PITPNM2: variants seen among roughly 807,000 people sequenced by gnomAD.
PITPNM2 encodes the protein phosphatidylinositol transfer protein membrane associated 2, also known as membrane-associated phosphatidylinositol transfer protein 2.
In PITPNM2, 35 loss-of-function variants were observed where a neutral mutation model predicts 132.2. The ratio of observed to expected loss-of-function variants is 0.26; its 90% CI spans 0.20 to 0.35. The LOEUF is 0.35. PITPNM2 is among the 10% of genes least tolerant of loss of function. PITPNM2 has a pLI of 1.00. For synonymous variants in PITPNM2, 738 were observed against 799.2 expected, an observed-to-expected ratio of 0.92 and a Z score of 1.29; for missense variants, 1,332 against 1,912.0, an observed-to-expected ratio of 0.70 and a Z score of 5.66.
At chr12:123,072,900 T>C (rs910111743) in intron 2 of PITPNM2, among the ~76,000 whole-genome samples, 6 of 152,156 alleles carry the variant, frequency 3.9e-5, no homozygotes, top group African/African-American at 1.2e-4. Context: ...CCTGGGGAAG[T>C]CATCCAAGCC....
At position 123,130,205 on chromosome 12, in the gene PITPNM2, C is replaced by T. The variant is rs527348411; in HGVS notation, c.-199-19717G>A. Among the ~76,000 whole-genome samples, 4 of 152,300 alleles carry T rather than the reference C, an allele frequency of 2.6e-5. No homozygotes were observed. In the East Asian group the frequency reaches 5.8e-4, roughly 22 times the overall value. ...TATGAATCATGCTAATCCCAGAGGG[C>T]TTCCAGGAGATGGCACAGAGCATTT... is the stretch of plus-strand genomic sequence containing the variant. On this transcript the variant is annotated intron_variant, in intron 1 of 25. Coordinates refer to ENST00000320201, the MANE Select transcript of PITPNM2 (RefSeq NM_020845.3).
At chr12:123,027,681 G>A (rs2039914718) in intron 3 of PITPNM2, among the ~76,000 whole-genome samples, 1 of 152,236 alleles carries the variant, frequency 6.6e-6, no homozygotes, top group Non-Finnish European at 1.5e-5. Context: ...GTCAGTGGCA[G>A]AGCCACTGGG....
chr12:122,995,089 A>G, intron 14 of PITPNM2, 110 bp from the exon 15 acceptor site: 1 of 1,248,618 alleles, frequency 8.0e-7, no homozygotes, highest in Non-Finnish European at 1.1e-6. Context: ...CACTGGCTTC[A>G]GGACAGCCCT....
chr12:123,064,636 C>A lies in PITPNM2; in HGVS notation c.-95-29951G>T, dbSNP rs1220674473. Among the ~76,000 whole-genome samples, 2 of 152,196 alleles carry A rather than the reference C, an allele frequency of 1.3e-5. No individual in the cohort carries two copies. The highest frequency in any genetic ancestry group is 3.8e-4 in the East Asian group (2 of 5,200). ...AAAAACAAAACGAGCCCAGCAACACCCCTGTGTCAACAGGGTGGGAAGTGA... is the reference window on the plus strand; with the variant it reads ...AAAAACAAAACGAGCCCAGCAACACACCTGTGTCAACAGGGTGGGAAGTGA... On this transcript the variant is annotated intron_variant, in intron 2 of 25. Transcript: ENST00000320201. This position sits in a 1 kb window ranked among gnomAD's most constrained non-coding sequence, Gnocchi z 4.0.
intron 2 of PITPNM2, among the ~76,000 whole-genome samples, chr12:123,052,626 T>A (rs1178804463): frequency 2.6e-5 from 4 of 152,050 alleles, no homozygotes; most frequent in African/African-American, 9.7e-5. Flanking sequence ...TCTCAATCAA[T>A]AACAAAATAA....
Position 122,992,382 on chromosome 12 carries a change from A to C in PITPNM2, c.2404+117T>G. ...AGCTGTCCACCTCCAAGAGGCATTC[A>C]GCACAAGCTGTCCCTCTCACCTGGG... On this transcript the variant is annotated intron_variant, in intron 16 of 25. Coordinates refer to ENST00000320201, the MANE Select transcript of PITPNM2 (RefSeq NM_020845.3). This position sits in a 1 kb window ranked among gnomAD's most constrained non-coding sequence, Gnocchi z 6.5. 1 of 971,528 alleles carries C rather than the reference A, an allele frequency of 1.0e-6. No individual in the cohort carries two copies. The highest frequency in any genetic ancestry group is 1.4e-6 in the Non-Finnish European group (1 of 728,172). The allele number at this position is 971,528 out of a possible 1,614,324, so 60.2% of individuals were successfully genotyped here.
At position 122,990,692 on chromosome 12, in the gene PITPNM2, G is replaced by A. The variant is rs776514626; in HGVS notation, c.2422C>T (p.His808Tyr). 1 of 1,609,986 alleles carries A rather than the reference G, an allele frequency of 6.2e-7. No homozygotes were observed. The highest frequency in any genetic ancestry group is 1.3e-5 in the African/African-American group (1 of 75,042). ...CCATGCTCTTGGAAGGCTGCATTGT[G>A]GGTCTGGAGCACATCCGCTGCAGGT... The part of the protein sequence containing the change: ...STLLADVLQT[H>Y]NAAFQEHGAP... The change falls in exon 17 of 26, where the codon CAC becomes TAC. Residue 808 changes from histidine (H) to tyrosine (Y), a missense_variant. His to Tyr is a moderately conservative substitution (Grantham distance 83). Around this residue, in one of 6 missense-constraint regions of PITPNM2, gnomAD observed 710 missense variants for 911.5 expected, o/e 0.78. Coordinates refer to ENST00000320201, the MANE Select transcript of PITPNM2 (RefSeq NM_020845.3).
In PITPNM2 at chr12:123,077,653, G is replaced by C. The variant is rs2041834176; in HGVS notation, c.-96+32732C>G. On this transcript the variant is annotated intron_variant, in intron 2 of 25. Coordinates refer to ENST00000320201, the MANE Select transcript of PITPNM2 (RefSeq NM_020845.3). The surrounding 1 kb of genome is among the most constrained non-coding windows in gnomAD (Gnocchi z 4.8). ...CCCCCTCTGAGTTCTGAGCATGCCA[G>C]GTGAGGCCTCTCCCTCTCTCTCTCC... Among the ~76,000 whole-genome samples the C allele has an allele frequency of 2.6e-5, 4 of 152,178 alleles. No individual in the cohort carries two copies. Among genetic ancestry groups the C allele is most frequent in the African/African-American group, 7.2e-5 (3 of 41,438 alleles).
intron 2 of PITPNM2, among the ~76,000 whole-genome samples, chr12:123,040,163 T>A (rs2040414883): frequency 6.6e-6 from 1 of 152,106 alleles, no homozygotes; most frequent in South Asian, 2.1e-4. Context: ...TAAAAAAAAA[T>A]TAATGACTTT....
At chr12:123,113,525 C>A (rs564603595) in intron 1 of PITPNM2, among the ~76,000 whole-genome samples, 3 of 152,196 alleles carry the variant, frequency 2.0e-5, no homozygotes, top group African/African-American at 2.4e-5. Context: ...CATAGTGAGA[C>A]CCCCCATCTT....
intron 2 of PITPNM2, among the ~76,000 whole-genome samples, chr12:123,068,293 C>T (rs182016220): frequency 6.6e-6 from 1 of 152,162 alleles, no homozygotes; most frequent in Non-Finnish European, 1.5e-5. Flanking sequence ...CGGTGAAACC[C>T]CGTCTCTACT....
At chr12:122,987,937 G>A (rs774765412) in intron 20 of PITPNM2, 36 bp from the exon 21 acceptor site, 68 of 1,570,126 alleles carry the variant, frequency 4.3e-5, no homozygotes, top group Non-Finnish European at 5.5e-5. Flanking sequence ...TCAGGGGGTC[G>A]GAGGGCACCC....
At chr12:123,075,528 C>G (rs947394737) in intron 2 of PITPNM2, 1 of 152,274 alleles carries the variant, frequency 6.6e-6, no homozygotes, top group Non-Finnish European at 1.5e-5. Flanking sequence ...CCACGCCCTT[C>G]CCTGAATCCC....
At chr12:123,038,802 T>C (rs1419789234) in intron 2 of PITPNM2, among the ~76,000 whole-genome samples, 1 of 151,710 alleles carries the variant, frequency 6.6e-6, no homozygotes, top group African/African-American at 2.4e-5. Flanking sequence ...TAAAGTCATC[T>C]AAAAAATAAT....
In PITPNM2 at chr12:123,117,745, C is replaced by T. The variant is rs535749935; in HGVS notation, c.-199-7257G>A. On this transcript the variant is annotated intron_variant, in intron 1 of 25. Transcript: ENST00000320201. This position sits in a 1 kb window ranked among gnomAD's most constrained non-coding sequence, Gnocchi z 4.7. ...TCTCTGTGCCCTTCATGGATTTGTT[C>T]ATTCATTGTTCAATATCTCACTATG... 6.6e-6 allele frequency among the ~76,000 whole-genome samples: 1 copy of T among 152,296 alleles called. No individual in the cohort carries two copies. The highest frequency in any genetic ancestry group is 1.9e-4 in the East Asian group (1 of 5,194).
At position 122,987,358 on chromosome 12, in the gene PITPNM2, G is replaced by A. The variant is rs749480940; in HGVS notation, c.3336C>T (p.Ile1112=). The A allele has an allele frequency of 1.1e-5, 17 of 1,613,148 alleles. No homozygotes were observed. The highest frequency in any genetic ancestry group is 2.2e-5 in the South Asian group (2 of 91,058). Residue 1112 remains isoleucine (I), a synonymous_variant, in exon 23 of 26, where the codon ATC becomes ATT. Transcript: ENST00000320201. ...ACACGCTAGCGGCAAAGGAACCGTC[G>A]ATGCTGAAGACCACGAACTCTGTGC... ...PKGTEFVVFS[I]DGSFAASVSI...
intron 1 of PITPNM2, among the ~76,000 whole-genome samples, chr12:123,138,153 A>G (rs2043423228): frequency 6.6e-6 from 1 of 152,204 alleles, no homozygotes; most frequent in Admixed American, 6.5e-5. Flanking sequence ...AGTCAGTCTT[A>G]AAAAGAAAAG....
At chr12:123,037,294 G>C (rs2040304452) in intron 2 of PITPNM2, among the ~76,000 whole-genome samples, 1 of 152,224 alleles carries the variant, frequency 6.6e-6, no homozygotes, top group Non-Finnish European at 1.5e-5. Context: ...CTTTATGTTT[G>C]AGGGAAGTTG....
intron 2 of PITPNM2, chr12:123,084,374 C>A (rs1435658227): frequency 6.6e-6 from 1 of 152,210 alleles, no homozygotes; most frequent in Non-Finnish European, 1.5e-5. Context: ...GTCCTTTTTC[C>A]CAGACGGGGG....
Sources: allele counts gnomAD v4.1 joint callset (sites outside exome capture counted in the v4.1 genomes callset), GRCh38; gene constraint gnomAD v4.1.1; regional missense constraint gnomAD v4.1.1; non-coding constraint Gnocchi (gnomAD v3.1); transcripts MANE v1.5; gene names NCBI Gene and HGNC (gene_info 2026-07-23, HGNC 2026-07-21).